The following ELAVL2 variants were observed in gnomAD, a reference collection of about 807,000 sequenced individuals.
ELAVL2 encodes the protein ELAV-like protein 2.
In ELAVL2, 4 loss-of-function variants were observed where a neutral mutation model predicts 34.6. That is an observed-to-expected ratio of 0.12 (90% CI 0.06 to 0.26). ELAVL2 has a LOEUF of 0.26. Ranked by LOEUF, ELAVL2 falls within the 10% of genes least tolerant of loss-of-function variation. The pLI is 1.00. For missense variants in ELAVL2, 432 were observed against 442.8 expected, an observed-to-expected ratio of 0.98 and a Z score of 0.22; for synonymous variants, 193 against 154.8, an observed-to-expected ratio of 1.25 and a Z score of -1.83.
chr9:23,695,642 G>A (rs1469020582), intron 5 of ELAVL2, among the ~76,000 whole-genome samples: 1 of 152,100 alleles, frequency 6.6e-6, no homozygotes, highest in East Asian at 1.9e-4. Context: ...ATGGGCTATG[G>A]CTCCCAGTCT....
intron 1 of ELAVL2, among the ~76,000 whole-genome samples, chr9:23,787,665 A>G (rs2059860077): frequency 6.6e-6 from 1 of 152,180 alleles, no homozygotes; most frequent in South Asian, 2.1e-4. Flanking sequence ...CCACACATCA[A>G]TGAAGCAGCT....
At chr9:23,802,393 T>A (rs118189706) in intron 1 of ELAVL2, among the ~76,000 whole-genome samples, 1 of 152,228 alleles carries the variant, frequency 6.6e-6, no homozygotes, top group African/African-American at 2.4e-5. Flanking sequence ...TTTCTAGTGA[T>A]AGAATTTGCT....
chr9:23,695,850 C>A (rs183593134), intron 5 of ELAVL2, among the ~76,000 whole-genome samples: 68 of 152,278 alleles, frequency 4.5e-4, no homozygotes, highest in African/African-American at 1.2e-3. Flanking sequence ...ATGTGATTAA[C>A]TGAAACGTTA....
intron 5 of ELAVL2, among the ~76,000 whole-genome samples, chr9:23,699,854 A>C (rs1304923269): frequency 1.3e-5 from 1 of 79,696 alleles, no homozygotes; most frequent in Non-Finnish European, 2.6e-5. Flanking sequence ...TTTTTTTTTA[A>C]TACCAATGCC....
At chr9:23,788,408 G>T (rs2059948287) in intron 1 of ELAVL2, among the ~76,000 whole-genome samples, 2 of 152,024 alleles carry the variant, frequency 1.3e-5, no homozygotes, top group South Asian at 4.2e-4. Flanking sequence ...CTTTTTACCA[G>T]GCACTCAAAA....
the ELAVL2 span, among the ~76,000 whole-genome samples, chr9:23,843,149 C>G: frequency 6.6e-6 from 1 of 152,062 alleles, no homozygotes; most frequent in Non-Finnish European, 1.5e-5. Flanking sequence ...ATTGGGCAAG[C>G]CTACAAAATT....
intron 4 of ELAVL2, among the ~76,000 whole-genome samples, chr9:23,702,970 A>AAAAAAAAC (rs2037917184): frequency 6.8e-6 from 1 of 145,996 alleles, no homozygotes; most frequent in African/African-American, 2.5e-5. Context: ...AAAAAAAAAA[A>AAAAAAAAC]AAAAAAAAAA....
intron 2 of ELAVL2, among the ~76,000 whole-genome samples, chr9:23,744,223 T>C (rs2135325775): frequency 6.6e-6 from 1 of 152,312 alleles, no homozygotes; most frequent in African/African-American, 2.4e-5. Flanking sequence ...GTTTCACAAA[T>C]AGATTCTGAT....
At chr9:23,699,604 G>A (rs1246169474) in intron 5 of ELAVL2, among the ~76,000 whole-genome samples, 1 of 151,974 alleles carries the variant, frequency 6.6e-6, no homozygotes, top group Non-Finnish European at 1.5e-5. Flanking sequence ...ATTCCTTCAG[G>A]CTTGTTCATC....
chr9:23,692,874 T>A lies in ELAVL2; in HGVS notation c.763A>T (p.Met255Leu). The change falls in exon 7 of 7, where the codon ATG becomes TTG. Residue 255 changes from methionine (M) to leucine (L), a missense_variant. By Grantham distance (15) the Met-to-Leu change is conservative. Around this residue, in one of 3 missense-constraint regions of ELAVL2, gnomAD observed 295 missense variants for 306.1 expected, o/e 0.96. Coordinates refer to ENST00000397312, the MANE Select transcript of ELAVL2 (RefSeq NM_004432.5). Reference protein sequence around the residue: ...MAYGVKRFSPMTIDGMTSLAG... With the variant: ...MAYGVKRFSPLTIDGMTSLAG... ...AAACTGGTCATTCCGTCAATGGTCA[T>A]TGGAGAAAACCTGCTAAACAGAATA... The A allele has an allele frequency of 6.2e-7, 1 of 1,613,586 alleles. No individual in the cohort carries two copies. Among genetic ancestry groups the A allele is most frequent in the South Asian group, 1.1e-5 (1 of 91,078 alleles).
chr9:23,805,625 T>G lies in ELAVL2; in HGVS notation c.-16+20181A>C, dbSNP rs540267780. On this transcript the variant is annotated intron_variant, in intron 1 of 6. Transcript: ENST00000397312. Reference sequence around the variant, plus strand: ...GCTTGGCATATACCACAGGAGAACCTGGCCCAATAACGCTTCTTAAAGTTA... The same window carrying G: ...GCTTGGCATATACCACAGGAGAACCGGGCCCAATAACGCTTCTTAAAGTTA... Among the ~76,000 whole-genome samples, 9 of 152,324 alleles carry G rather than the reference T, an allele frequency of 5.9e-5. No individual in the cohort carries two copies. The South Asian group carries it at 1.9e-3, about 32-fold the overall frequency.
chr9:23,828,203 T>C (rs2065388492), upstream of ELAVL2, among the ~76,000 whole-genome samples: 1 of 152,160 alleles, frequency 6.6e-6, no homozygotes, highest in Non-Finnish European at 1.5e-5. Context: ...GAAATAACCT[T>C]TAAATGAATA....
intron 1 of ELAVL2, among the ~76,000 whole-genome samples, chr9:23,796,128 G>C (rs2060895622): frequency 6.6e-6 from 1 of 152,104 alleles, no homozygotes; most frequent in African/African-American, 2.4e-5. Context: ...TAAACCAAAA[G>C]ACAAATGATG....
At chr9:23,754,120 G>A (rs1378306752) in intron 2 of ELAVL2, among the ~76,000 whole-genome samples, 2 of 152,058 alleles carry the variant, frequency 1.3e-5, no homozygotes, top group African/African-American at 4.8e-5. Context: ...CTGTATAACT[G>A]TCTCGTGGGA....
chr9:23,770,244 T>G (rs766903243), intron 1 of ELAVL2, among the ~76,000 whole-genome samples: 24 of 150,874 alleles, frequency 1.6e-4, no homozygotes, highest in Admixed American at 2.6e-4. Flanking sequence ...ATAAGGGGGG[T>G]TGAAAATGTG....
intron 1 of ELAVL2, among the ~76,000 whole-genome samples, chr9:23,786,435 A>G (rs4977889): frequency 0.097 from 14,786 of 152,108 alleles, 1,009 homozygotes; most frequent in Admixed American, 0.18. Context: ...CTGAAATGAC[A>G]ACAACCCAAA....
intron 5 of ELAVL2, among the ~76,000 whole-genome samples, chr9:23,697,134 T>C (rs906674858): frequency 2.6e-5 from 4 of 151,810 alleles, no homozygotes; most frequent in African/African-American, 9.7e-5. Context: ...CAAGCAGATA[T>C]GGAGGATTAG....
chr9:23,816,366 GA>G (rs1199578784), intron 1 of ELAVL2, among the ~76,000 whole-genome samples: 10 of 130,722 alleles, frequency 7.6e-5, no homozygotes, highest in Non-Finnish European at 1.4e-4. Context: ...AATCCATCTT[GA>G]AGGAATAGTT....
intron 1 of ELAVL2, among the ~76,000 whole-genome samples, chr9:23,796,229 T>A (rs1430333987): frequency 6.6e-6 from 1 of 152,244 alleles, no homozygotes; most frequent in African/African-American, 2.4e-5. Flanking sequence ...TATGGGGCTT[T>A]CACTGGGTTA....
Sources: allele counts gnomAD v4.1 joint callset (sites outside exome capture counted in the v4.1 genomes callset), GRCh38; gene constraint gnomAD v4.1.1; regional missense constraint gnomAD v4.1.1; transcripts MANE v1.5; gene names NCBI Gene and HGNC (gene_info 2026-07-23, HGNC 2026-07-21).